Variants in PCGF5 observed in about 807,000 individuals in gnomAD.
PCGF5 encodes the protein polycomb group RING finger protein 5.
Under a neutral mutation model 44.3 loss-of-function variants are expected in PCGF5, and 9 were observed. The observed-to-expected ratio is 0.20, with a 90% CI of 0.12 to 0.35. The LOEUF is 0.35. Ranked by LOEUF, PCGF5 falls within the 10% of genes least tolerant of loss-of-function variation. The pLI, the probability that PCGF5 is intolerant of heterozygous loss-of-function variation, is 1.00. For synonymous variants in PCGF5, 95 were observed against 102.5 expected (o/e 0.93, Z 0.44); for missense variants, 146 against 305.3 (o/e 0.48, Z 3.89).
At chr10:91,248,860 G>A (rs1014202721) in intron 5 of PCGF5, 136 bp downstream of exon 5, 18 of 730,790 alleles carry the variant, frequency 2.5e-5, no homozygotes, top group East Asian at 2.0e-4. Context: ...TTTACATTAC[G>A]AACCTTTTTC....
rs1246278676 is a variant in PCGF5 at position 91,278,966 on chromosome 10, G to A, written c.*650G>A. 1 of 152,598 alleles carries A rather than the reference G, an allele frequency of 6.6e-6. No individual in the cohort carries two copies. The highest frequency in any genetic ancestry group is 1.5e-5 in the Non-Finnish European group (1 of 68,038). The allele number at this position is 152,598 out of a possible 1,614,324, so 9.5% of individuals were successfully genotyped here. A position where few individuals can be genotyped will look rare whatever the true frequency, so the allele number is the denominator to read the frequency against. On this transcript the variant is annotated 3_prime_UTR_variant, in exon 10 of 10. Coordinates refer to ENST00000336126, the MANE Select transcript of PCGF5 (RefSeq NM_032373.5). ...TCTACCAATTGCACAAGGAAGGCATGTTAGCCCTCCAGATTGAAAATGTAT... is the reference window on the plus strand; with the variant it reads ...TCTACCAATTGCACAAGGAAGGCATATTAGCCCTCCAGATTGAAAATGTAT...
intron 8 of PCGF5, 77 bp from the exon 9 acceptor site, chr10:91,271,561 A>C (rs572242571): frequency 3.4e-6 from 4 of 1,176,278 alleles, no homozygotes; most frequent in Non-Finnish European, 5.0e-6. Context: ...TTGACGTTAA[A>C]CTATTTTAAA....
chr10:91,240,352 T>A lies in PCGF5; in HGVS notation c.113-132T>A, dbSNP rs899544313. On this transcript the variant is annotated intron_variant, in intron 2 of 9. Coordinates refer to ENST00000336126, the MANE Select transcript of PCGF5 (RefSeq NM_032373.5). ...TTACAGTGTTACAATTGTAAGGTTT[T>A]TGAAGCTTAATTAAATAATGATATT... 5.2e-6 allele frequency: 3 copies of A among 572,646 alleles called. No homozygotes were observed. In the African/African-American group the frequency reaches 5.8e-5, roughly 11 times the overall value. 35.5% of individuals were successfully genotyped at this position (572,646 alleles called of 1,614,324 possible).
intron 1 of PCGF5, among the ~76,000 whole-genome samples, chr10:91,186,661 C>G (rs1335406036): frequency 6.6e-6 from 1 of 151,666 alleles, no homozygotes; most frequent in East Asian, 1.9e-4. Context: ...TACAAAGTTT[C>G]TTTTGTACCT....
chr10:91,264,327 C>A (rs894162730), intron 7 of PCGF5, 104 bp from the exon 8 acceptor site: 3 of 859,332 alleles, frequency 3.5e-6, no homozygotes, highest in Non-Finnish European at 5.3e-6. Flanking sequence ...ATGGATAATA[C>A]TTTTGTTCCA....
At chr10:91,276,682 C>T (rs187166991) in intron 9 of PCGF5, among the ~76,000 whole-genome samples, 2 of 152,334 alleles carry the variant, frequency 1.3e-5, no homozygotes, top group African/African-American at 4.8e-5. Flanking sequence ...TTTTACTTCC[C>T]TCTGTACCTT....
chr10:91,157,263 C>G, the PCGF5 span, among the ~76,000 whole-genome samples: 1 of 152,208 alleles, frequency 6.6e-6, no homozygotes, highest in East Asian at 1.9e-4. Flanking sequence ...CAACAGTTAA[C>G]AGACTGAGGA....
intron 1 of PCGF5, among the ~76,000 whole-genome samples, chr10:91,214,880 T>C (rs1844514466): frequency 6.6e-6 from 1 of 152,262 alleles, no homozygotes; most frequent in Non-Finnish European, 1.5e-5. Flanking sequence ...AATACAGTTA[T>C]TTTAAAATCA....
Position 91,279,339 on chromosome 10 carries a change from TGTTA to T in PCGF5, c.*1028_*1031del, listed in dbSNP as rs1229452246. ...TCTCAAAACAGTTGTAGATTAAAACTGTTAGTTACCTTTCACATTTCCAAACTAT... is the reference window on the plus strand; with the variant it reads ...TCTCAAAACAGTTGTAGATTAAAACTGTTACCTTTCACATTTCCAAACTAT... On this transcript the variant is annotated 3_prime_UTR_variant, in exon 10 of 10. Transcript: ENST00000336126. The T allele has an allele frequency of 1.3e-5, 2 of 152,194 alleles. No individual in the cohort carries two copies. The highest frequency in any genetic ancestry group is 6.5e-5 in the Admixed American group (1 of 15,274). The allele number at this position is 152,194 out of a possible 1,614,324, so 9.4% of individuals were successfully genotyped here. A position where few individuals can be genotyped will look rare whatever the true frequency, so the allele number is the denominator to read the frequency against.
At chr10:91,239,250 A>C (rs1845260758) in intron 2 of PCGF5, among the ~76,000 whole-genome samples, 1 of 152,186 alleles carries the variant, frequency 6.6e-6, no homozygotes. Context: ...CTGCATCCCC[A>C]ACTCCTAATA....
intron 1 of PCGF5, among the ~76,000 whole-genome samples, chr10:91,181,700 G>C (rs570936951): frequency 6.6e-6 from 1 of 152,186 alleles, no homozygotes; most frequent in Non-Finnish European, 1.5e-5. Context: ...AACCAACCTT[G>C]CATCCCGGGG....
At position 91,248,854 on chromosome 10, in the gene PCGF5, C is replaced by T. The variant is rs187965048; in HGVS notation, c.325+130C>T. On this transcript the variant is annotated intron_variant, in intron 5 of 9. Coordinates refer to ENST00000336126, the MANE Select transcript of PCGF5 (RefSeq NM_032373.5). Reference sequence around the variant, plus strand: ...CAAAATTCATGCACCCTTTTATTTACATTACGAACCTTTTTCTCTATATGA... The same window carrying T: ...CAAAATTCATGCACCCTTTTATTTATATTACGAACCTTTTTCTCTATATGA... 97 of 740,538 alleles carry T rather than the reference C, an allele frequency of 1.3e-4. No individual in the cohort carries two copies. In the East Asian group the frequency reaches 1.4e-3, roughly 10 times the overall value. The allele number at this position is 740,538 out of a possible 1,614,324, so 45.9% of individuals were successfully genotyped here.
At chr10:91,227,620 C>T (rs568397726) in intron 2 of PCGF5, 2 of 1,132,410 alleles carry the variant, frequency 1.8e-6, no homozygotes, top group East Asian at 6.7e-5. Flanking sequence ...TAACTGTGTC[C>T]AAGTGGTAAT....
chr10:91,272,013 A>G (rs1846192195), intron 9 of PCGF5, among the ~76,000 whole-genome samples: 1 of 152,206 alleles, frequency 6.6e-6, no homozygotes, highest in South Asian at 2.1e-4. Flanking sequence ...CTTTCTTTGT[A>G]TGAATGTTAT....
At chr10:91,202,112 C>A (rs1215839962) in intron 1 of PCGF5, among the ~76,000 whole-genome samples, 1 of 152,084 alleles carries the variant, frequency 6.6e-6, no homozygotes, top group East Asian at 1.9e-4. Flanking sequence ...TTGTACTCAC[C>A]CCCTAGGATT....
At position 91,243,155 on chromosome 10, in the gene PCGF5, T is replaced by A. The variant is rs370555635; in HGVS notation, c.209+2575T>A. Among the ~76,000 whole-genome samples, 17 of 152,290 alleles carry A rather than the reference T, an allele frequency of 1.1e-4. No individual in the cohort carries two copies. In the East Asian group the frequency reaches 3.1e-3, roughly 28 times the overall value. On this transcript the variant is annotated intron_variant, in intron 3 of 9. Coordinates refer to ENST00000336126, the MANE Select transcript of PCGF5 (RefSeq NM_032373.5). ...GAAAGCAAACTGGTGATGGTGATAG[T>A]TGAGCGGACCTCAGAGGCCTGAGTA...
At chr10:91,263,800 A>G (rs1213724612) in intron 7 of PCGF5, among the ~76,000 whole-genome samples, 1 of 152,200 alleles carries the variant, frequency 6.6e-6, no homozygotes, top group Non-Finnish European at 1.5e-5. Context: ...TGTGCAAATC[A>G]CTGACCAGGC....
At chr10:91,218,557 C>A (rs1314288317), upstream of PCGF5, among the ~76,000 whole-genome samples, 4 of 152,184 alleles carry the variant, frequency 2.6e-5, no homozygotes, top group African/African-American at 4.8e-5. Context: ...TTAATACTTA[C>A]AATCTGCATA....
intron 1 of PCGF5, among the ~76,000 whole-genome samples, chr10:91,176,485 G>A (rs1388371909): frequency 6.6e-6 from 1 of 152,162 alleles, no homozygotes; most frequent in African/African-American, 2.4e-5. Context: ...ACGTTCTCCT[G>A]GATAATATCC....
Sources: gnomAD v4.1 joint callset for allele counts (sites outside exome capture counted in the v4.1 genomes callset) on GRCh38, gnomAD v4.1.1 for gene constraint, MANE v1.5 for transcripts, NCBI Gene and HGNC (gene_info 2026-07-23, HGNC 2026-07-21) for gene names.